The following HACE1 variants were observed in gnomAD, a reference collection of about 807,000 sequenced individuals.
HACE1 encodes HECT domain and ankyrin repeat containing E3 ubiquitin protein ligase 1.
A neutral mutation model predicts 118.4 loss-of-function variants in HACE1; 73 were observed. The ratio of observed to expected loss-of-function variants is 0.62; its 90% confidence interval spans 0.51 to 0.75. HACE1 has a LOEUF of 0.75. Among genes scored for constraint, HACE1 ranks in the 30% least tolerant of loss-of-function variants. HACE1 has a pLI of 0.00. For synonymous variants in HACE1, 368 were observed against 374.8 expected (o/e 0.98, Z 0.21); for missense variants, 749 against 1,102.2 (o/e 0.68, Z 4.54).
chr6:104,781,426 A>G (rs1436392488), intron 14 of HACE1, among the ~76,000 whole-genome samples: 1 of 152,196 alleles, frequency 6.6e-6, no homozygotes, highest in Non-Finnish European at 1.5e-5. Context: ...TTCTCCAAGG[A>G]GCCCTGGTTC....
At chr6:104,749,446 T>C (rs1407904313) in intron 20 of HACE1, among the ~76,000 whole-genome samples, 17 of 152,100 alleles carry the variant, frequency 1.1e-4, no homozygotes, top group Non-Finnish European at 2.9e-5. Context: ...AGATATACTA[T>C]GAATGATAAA....
intron 19 of HACE1, among the ~76,000 whole-genome samples, chr6:104,765,318 G>C (rs1357099447): frequency 1.3e-5 from 2 of 152,186 alleles, no homozygotes; most frequent in Non-Finnish European, 2.9e-5. Context: ...TCCTTGAAGA[G>C]ATTGAGAACA....
intron 1 of HACE1, among the ~76,000 whole-genome samples, chr6:104,854,001 G>A (rs535072526): frequency 3.9e-5 from 6 of 152,288 alleles, no homozygotes; most frequent in African/African-American, 1.4e-4. Flanking sequence ...TTATGTGAAT[G>A]TGGTCTCTCT....
chr6:104,822,620 G>A (rs1277701496), intron 6 of HACE1, among the ~76,000 whole-genome samples: 1 of 152,070 alleles, frequency 6.6e-6, no homozygotes, highest in Non-Finnish European at 1.5e-5. Context: ...ACTTTGGGAG[G>A]CCGAGGCAGT....
chr6:104,855,897 T>C (rs757141556), intron 1 of HACE1, among the ~76,000 whole-genome samples: 1 of 152,200 alleles, frequency 6.6e-6, no homozygotes, highest in African/African-American at 2.4e-5. Context: ...TTCACAATGG[T>C]TGTACTTGTA....
chr6:104,736,196 C>A (rs1775807093), intron 22 of HACE1, among the ~76,000 whole-genome samples: 1 of 150,614 alleles, frequency 6.6e-6, no homozygotes, highest in Non-Finnish European at 1.5e-5. Flanking sequence ...CATTCAGAGG[C>A]AAAAAACAAA....
At chr6:104,751,708 A>T (rs1186337102) in intron 19 of HACE1, among the ~76,000 whole-genome samples, 1 of 152,190 alleles carries the variant, frequency 6.6e-6, no homozygotes, top group Non-Finnish European at 1.5e-5. Context: ...ATATACAGAG[A>T]GAGAAAGAGT....
intron 6 of HACE1, among the ~76,000 whole-genome samples, chr6:104,812,878 C>A (rs1434462940): frequency 1.3e-5 from 2 of 152,182 alleles, no homozygotes; most frequent in African/African-American, 4.8e-5. Flanking sequence ...CCCCCTAGGA[C>A]CTTTCTTCCC....
At chr6:104,764,097 CAG>C (rs1562316910) in intron 19 of HACE1, among the ~76,000 whole-genome samples, 1 of 151,996 alleles carries the variant, frequency 6.6e-6, no homozygotes, top group Non-Finnish European at 1.5e-5. Context: ...TTTTGTGAGA[CAG>C]AGTCTCACTC....
At chr6:104,843,792 G>A (rs191182620) in intron 4 of HACE1, among the ~76,000 whole-genome samples, 2 of 151,636 alleles carry the variant, frequency 1.3e-5, no homozygotes, top group African/African-American at 2.4e-5. Flanking sequence ...ACTGGAGGGT[G>A]AGGAGGGGGA....
Position 104,795,737 on chromosome 6 carries a change from T to A in HACE1, c.817-52A>T, listed in dbSNP as rs755960410. On this transcript the variant is annotated intron_variant, in intron 9 of 23. Coordinates refer to ENST00000262903, the MANE Select transcript of HACE1 (RefSeq NM_020771.4). ...TGATTACATAGTAATCCATTAAATC[T>A]TATCAAACAATTAAGTACCTATTAA... 3.4e-5 allele frequency: 37 copies of A among 1,091,322 alleles called. 1 individual carries two copies. Among genetic ancestry groups the A allele is most frequent in the Non-Finnish European group, 5.1e-5 (36 of 711,256 alleles). 67.6% of individuals were successfully genotyped at this position (1,091,322 alleles called of 1,614,324 possible). A position where few individuals can be genotyped will look rare whatever the true frequency, so the allele number is the denominator to read the frequency against.
chr6:104,843,090 G>A, intron 5 of HACE1, 133 bp downstream of exon 5: 1 of 688,722 alleles, frequency 1.5e-6, no homozygotes, highest in Non-Finnish European at 2.7e-6. Context: ...TAGCCTGAGT[G>A]ACAGAGCGAG....
At chr6:104,792,862 C>G (rs1243118069) in intron 10 of HACE1, among the ~76,000 whole-genome samples, 1 of 152,196 alleles carries the variant, frequency 6.6e-6, no homozygotes, top group Non-Finnish European at 1.5e-5. Context: ...ATTTGCTCCT[C>G]CTCCCTGCTC....
chr6:104,730,506 A>G lies in HACE1; in HGVS notation c.2514-90T>C, dbSNP rs1415431016. The G allele has an allele frequency of 4.1e-6, 3 of 736,212 alleles. No homozygotes were observed. In the African/African-American group the frequency reaches 5.2e-5, roughly 13 times the overall value. 45.6% of individuals were successfully genotyped at this position (736,212 alleles called of 1,614,324 possible). On this transcript the variant is annotated intron_variant, in intron 22 of 23. Coordinates refer to ENST00000262903, the MANE Select transcript of HACE1 (RefSeq NM_020771.4). ...AAGTTCTAAGTTAGGGTAGGAATAT[A>G]TCCAACTCTAGGACAATGACAACAC...
At position 104,728,332 on chromosome 6, in the gene HACE1, T is replaced by C. The variant is rs1386751933; in HGVS notation, c.*1330A>G. ...CATTATTAGCTTCAGTTACTATAAA[T>C]AAAGCATCCGAATCTTAATTTTAGA... is the stretch of plus-strand genomic sequence containing the variant. On this transcript the variant is annotated 3_prime_UTR_variant, in exon 24 of 24. Coordinates refer to ENST00000262903, the MANE Select transcript of HACE1 (RefSeq NM_020771.4). 1 of 152,198 alleles carries C rather than the reference T, an allele frequency of 6.6e-6. No individual in the cohort carries two copies. The allele number at this position is 152,198 out of a possible 1,614,324, so 9.4% of individuals were successfully genotyped here. A position where few individuals can be genotyped will look rare whatever the true frequency, so the allele number is the denominator to read the frequency against.
chr6:104,738,080 T>C (rs562736376), intron 22 of HACE1, among the ~76,000 whole-genome samples: 4,527 of 151,714 alleles, frequency 0.03, 221 homozygotes, highest in African/African-American at 0.11. Flanking sequence ...CACGGCAGGG[T>C]ATTCCAACAG....
chr6:104,805,493 G>A (rs1339996631), intron 7 of HACE1, among the ~76,000 whole-genome samples: 2 of 152,148 alleles, frequency 1.3e-5, no homozygotes, highest in African/African-American at 4.8e-5. Flanking sequence ...AGAAAATGTG[G>A]CACAGATACA....
chr6:104,853,056 G>A (rs1377933576), intron 1 of HACE1, among the ~76,000 whole-genome samples: 1 of 152,172 alleles, frequency 6.6e-6, no homozygotes, highest in African/African-American at 2.4e-5. Context: ...ATGGCAGTGT[G>A]AAGAGGTGAG....
intron 14 of HACE1, chr6:104,780,256 C>T (rs1285888290): frequency 1.8e-5 from 6 of 327,806 alleles, no homozygotes; most frequent in South Asian, 1.3e-4. Flanking sequence ...AAGGTACAAA[C>T]TGCTACCTTC....
Sources: allele counts gnomAD v4.1 joint callset (sites outside exome capture counted in the v4.1 genomes callset), GRCh38; gene constraint gnomAD v4.1.1; transcripts MANE v1.5; gene names NCBI Gene and HGNC (gene_info 2026-07-23, HGNC 2026-07-21).